TRANK1: variants seen among roughly 807,000 people sequenced by gnomAD.
TRANK1 encodes tetratricopeptide repeat and ankyrin repeat containing 1, also known as TPR and ankyrin repeat-containing protein 1.
Under a neutral mutation model 266.0 loss-of-function variants are expected in TRANK1, and 198 were observed. The observed-to-expected ratio is 0.74, with a 90% CI of 0.66 to 0.84. The LOEUF (loss-of-function observed/expected upper bound fraction) is 0.84, where lower values mean the gene tolerates loss of function less well. Ranked by LOEUF, TRANK1 falls within the 40% of genes least tolerant of loss-of-function variation. The pLI, the probability that TRANK1 is intolerant of heterozygous loss-of-function variation, is 0.00. For synonymous variants in TRANK1, 1,396 were observed against 1,384.1 expected (o/e 1.01, Z -0.19); for missense variants, 3,326 against 3,634.6 (o/e 0.92, Z 2.18).
intron 6 of TRANK1, 21 bp downstream of exon 6, chr3:36,892,880 T>TATAG: frequency 3.0e-6 from 3 of 1,005,468 alleles, no homozygotes; most frequent in Non-Finnish European, 2.6e-6. Flanking sequence ...TAGATATATA[T>TATAG]AGATATATAT....
At chr3:36,895,519 T>G in intron 5 of TRANK1, 121 bp downstream of exon 5, 1 of 594,950 alleles carries the variant, frequency 1.7e-6, no homozygotes, top group Non-Finnish European at 2.7e-6. Context: ...ATATCCTAGT[T>G]AAAAATTTAC....
At chr3:36,911,945 G>T (rs1238248703) in intron 1 of TRANK1, among the ~76,000 whole-genome samples, 3 of 152,166 alleles carry the variant, frequency 2.0e-5, no homozygotes, top group African/African-American at 7.2e-5. Flanking sequence ...CCAACATTTT[G>T]GGAGGCCGAA....
At chr3:36,939,298 C>T (rs926183222) in intron 1 of TRANK1, among the ~76,000 whole-genome samples, 3 of 151,280 alleles carry the variant, frequency 2.0e-5, no homozygotes, top group Admixed American at 6.6e-5. Context: ...CACACACACA[C>T]GCCTCTACTT....
intron 9 of TRANK1, among the ~76,000 whole-genome samples, chr3:36,871,595 G>A (rs982729421): frequency 6.6e-5 from 10 of 151,906 alleles, no homozygotes; most frequent in African/African-American, 2.4e-4. Flanking sequence ...ACAACCTCAC[G>A]AAGAAATTAG....
chr3:36,907,204 T>G (rs2125630333), intron 2 of TRANK1, among the ~76,000 whole-genome samples: 1 of 152,314 alleles, frequency 6.6e-6, no homozygotes, highest in Admixed American at 6.5e-5. Context: ...AGGCCAGAGT[T>G]CAATGGCACG....
At chr3:36,834,734 G>A in intron 21 of TRANK1, 28 bp downstream of exon 21, 2 of 1,598,512 alleles carry the variant, frequency 1.3e-6, no homozygotes, top group Non-Finnish European at 1.7e-6. Context: ...GGAAGAGAGG[G>A]AGAAAGGGAG....
chr3:36,858,231 C>T (rs939623684), intron 12 of TRANK1, among the ~76,000 whole-genome samples, 182 bp from the exon 13 acceptor site: 11 of 152,168 alleles, frequency 7.2e-5, no homozygotes, highest in African/African-American at 2.2e-4. Context: ...CCCCAAGGGA[C>T]ATTTGGCAAT....
chr3:36,833,174 T>C lies in TRANK1; in HGVS notation c.6409A>G (p.Ile2137Val). 1.2e-6 allele frequency: 2 copies of C among 1,613,838 alleles called. No homozygotes were observed. The highest frequency in any genetic ancestry group is 1.7e-6 in the Non-Finnish European group (2 of 1,179,804). ...TCCAGGTCAAAAATTATTCTTAATA[T>C]GGGCCCAGGGTCATTCTGAGCTATC... ...CQIAQNDPGPILRIIFDLDLN... is the reference protein window; with the variant it reads ...CQIAQNDPGPVLRIIFDLDLN... Residue 2137 changes from isoleucine to valine, a missense_variant, in exon 22 of 24, where the codon ATA becomes GTA. Ile to Val is a conservative substitution (Grantham distance 29, BLOSUM62 3). Coordinates refer to ENST00000645898, the MANE Select transcript of TRANK1 (RefSeq NM_001329998.2).
At chr3:36,842,356 G>C (rs1384289635) in intron 18 of TRANK1, among the ~76,000 whole-genome samples, 1 of 152,216 alleles carries the variant, frequency 6.6e-6, no homozygotes, top group Non-Finnish European at 1.5e-5. Flanking sequence ...AGGATTCCTT[G>C]GTGGGGCAAA....
chr3:36,875,883 G>C (rs1168971076), intron 8 of TRANK1, among the ~76,000 whole-genome samples: 1 of 152,134 alleles, frequency 6.6e-6, no homozygotes, highest in Non-Finnish European at 1.5e-5. Context: ...GTAACGCTTA[G>C]AGCCTTACAA....
intron 1 of TRANK1, among the ~76,000 whole-genome samples, chr3:36,944,238 A>G (rs959805345): frequency 1.3e-5 from 2 of 152,292 alleles, no homozygotes; most frequent in African/African-American, 4.8e-5. Context: ...CGTGCAGTCC[A>G]GTTTGAGCCA....
In TRANK1 at chr3:36,879,575, T is replaced by TATATATAAATATACAAATATATAA. The variant is rs1553624197; in HGVS notation, c.908-5303_908-5280dup. On this transcript the variant is annotated intron_variant, in intron 8 of 23. Coordinates refer to ENST00000645898, the MANE Select transcript of TRANK1 (RefSeq NM_001329998.2). Reference sequence around the variant, plus strand: ...CTATATAAATATATAAATATATAAATATATATAAATATACAAATATATAAA... The same window carrying TATATATAAATATACAAATATATAA: ...CTATATAAATATATAAATATATAAATATATATAAATATACAAATATATAAATATATAAATATACAAATATATAAA... 3.4e-4 allele frequency among the ~76,000 whole-genome samples: 34 copies of TATATATAAATATACAAATATATAA among 101,324 alleles called. 11 individuals carry two copies. Among genetic ancestry groups the TATATATAAATATACAAATATATAA allele is most frequent in the African/African-American group, 1.3e-3 (27 of 21,210 alleles). 66.5% of individuals were successfully genotyped at this position (101,324 alleles called of 152,430 possible).
intron 1 of TRANK1, among the ~76,000 whole-genome samples, chr3:36,932,791 G>A (rs1197762177): frequency 6.6e-6 from 1 of 152,172 alleles, no homozygotes; most frequent in African/African-American, 2.4e-5. Flanking sequence ...CTGGGAATGG[G>A]AAGATTGCTA....
At chr3:36,851,446 G>A (rs1268831472) in intron 15 of TRANK1, 5 of 1,172,576 alleles carry the variant, frequency 4.3e-6, no homozygotes, top group African/African-American at 1.6e-5. Context: ...AGTGGCTAAT[G>A]AGAACTGGAC....
At chr3:36,943,364 A>G (rs2080524080) in intron 1 of TRANK1, among the ~76,000 whole-genome samples, 1 of 152,132 alleles carries the variant, frequency 6.6e-6, no homozygotes, top group Non-Finnish European at 1.5e-5. Flanking sequence ...ATATACATAT[A>G]GGTGGGTGGG....
At chr3:36,865,915 C>G (rs2079210497) in intron 9 of TRANK1, among the ~76,000 whole-genome samples, 1 of 145,250 alleles carries the variant, frequency 6.9e-6, no homozygotes, top group African/African-American at 2.6e-5. Context: ...GGCAACAGAG[C>G]AAGACCCTGT....
intron 9 of TRANK1, among the ~76,000 whole-genome samples, chr3:36,870,127 G>A (rs995007468): frequency 3.3e-5 from 5 of 152,194 alleles, no homozygotes; most frequent in Non-Finnish European, 5.9e-5. Context: ...CTACTGCTGC[G>A]CCAGGAGTGG....
chr3:36,866,104 G>GAAAGAAAGAAAGAA (rs1388263683), intron 9 of TRANK1, among the ~76,000 whole-genome samples: 10 of 149,308 alleles, frequency 6.7e-5, no homozygotes, highest in Admixed American at 3.3e-4. Flanking sequence ...AAGAAAGAAA[G>GAAAGAAAGAAAGAA]AAAGAAAGAA....
rs1448073367 is a variant in TRANK1, at chr3:36,879,775, T to TA, written c.908-5480dup. Among the ~76,000 whole-genome samples the TA allele has an allele frequency of 2.5e-4, 22 of 88,872 alleles. No homozygotes were observed. In the South Asian group the frequency reaches 3.6e-3, roughly 15 times the overall value. The allele number at this position is 88,872 out of a possible 152,430, so 58.3% of individuals were successfully genotyped here. On this transcript the variant is annotated intron_variant, in intron 8 of 23. Transcript: ENST00000645898. ...AAATATATATAAATATATATAAATA[T>TA]ATATAAATATGTAAATATATAAATA... is the stretch of plus-strand genomic sequence containing the variant.
Sources: gnomAD v4.1 joint callset for allele counts (sites outside exome capture counted in the v4.1 genomes callset) on GRCh38, gnomAD v4.1.1 for gene constraint, MANE v1.5 for transcripts, NCBI Gene and HGNC (gene_info 2026-07-23, HGNC 2026-07-21) for gene names.